Variants in SND1 observed in about 807,000 individuals in gnomAD.
The protein encoded by SND1 is staphylococcal nuclease and tudor domain containing 1.
A neutral mutation model predicts 121.7 loss-of-function variants in SND1; 38 were observed. The observed-to-expected ratio is 0.31, with a 90% confidence interval of 0.24 to 0.41. The LOEUF (loss-of-function observed/expected upper bound fraction) is 0.41. SND1 is among the 10% of genes least tolerant of loss of function. The pLI is 1.00. For missense variants in SND1, 868 were observed against 1,184.6 expected, an observed-to-expected ratio of 0.73 and a Z score of 3.92; for synonymous variants, 401 against 447.4, an observed-to-expected ratio of 0.90 and a Z score of 1.31.
chr7:127,668,648 A>G (rs1011536588), intron 1 of SND1, among the ~76,000 whole-genome samples: 4 of 152,214 alleles, frequency 2.6e-5, no homozygotes, highest in African/African-American at 9.7e-5. Context: ...TCCTTACCAC[A>G]GCTCATAGCT....
intron 15 of SND1, among the ~76,000 whole-genome samples, chr7:127,953,200 GTGTGTGTGTGTGTGTGTGTGTATGTA>G (rs1801505911): frequency 3.2e-5 from 3 of 94,582 alleles, no homozygotes; most frequent in Admixed American, 9.9e-5. Context: ...GTGTGTGTGT[GTGTGTGTGTGTGTGTGTGTGTATGTA>G]TGAAAAGAAG....
rs1282137291 is a variant in SND1, at chr7:128,085,973, C to A, written c.2304+193C>A. 6.6e-6 allele frequency among the ~76,000 whole-genome samples: 1 copy of A among 152,202 alleles called. No individual in the cohort carries two copies. The highest frequency in any genetic ancestry group is 2.4e-5 in the African/African-American group (1 of 41,454). On this transcript the variant is annotated intron_variant, in intron 20 of 23. Transcript: ENST00000354725. This position sits in a 1 kb window ranked among gnomAD's most constrained non-coding sequence, Gnocchi z 4.4. ...AACTGGGGTCTATGACCAGTGGCTG[C>A]AAGCACTGATAGGTCCCGCATCCAG...
chr7:127,879,859 A>G (rs1289725464), intron 12 of SND1, among the ~76,000 whole-genome samples: 2 of 152,152 alleles, frequency 1.3e-5, no homozygotes, highest in African/African-American at 4.8e-5. Context: ...CTGAGTTTAT[A>G]AGATTTTATC....
At chr7:127,770,452 C>T (rs1797494258) in intron 10 of SND1, among the ~76,000 whole-genome samples, 1 of 151,684 alleles carries the variant, frequency 6.6e-6, no homozygotes, top group Non-Finnish European at 1.5e-5. Flanking sequence ...CATACCTGCA[C>T]TAATTAGATC....
At chr7:127,918,095 CT>C (rs1800625505) in intron 14 of SND1, among the ~76,000 whole-genome samples, 1 of 146,518 alleles carries the variant, frequency 6.8e-6, no homozygotes, top group South Asian at 2.2e-4. Context: ...CAGAGTCTGA[CT>C]TTGTAGCCCA....
intron 10 of SND1, among the ~76,000 whole-genome samples, chr7:127,766,771 C>CAAACAAAAAAAAA (rs1797426489): frequency 3.0e-5 from 1 of 33,202 alleles, no homozygotes; most frequent in Admixed American, 6.5e-4. Context: ...GACTTTGTCT[C>CAAACAAAAAAAAA]AAAAAAAAAA....
At chr7:127,908,179 G>C (rs986766499) in intron 14 of SND1, among the ~76,000 whole-genome samples, 1 of 152,002 alleles carries the variant, frequency 6.6e-6, no homozygotes, top group Non-Finnish European at 1.5e-5. Flanking sequence ...TAGACCGGGC[G>C]TGGTGGCTCA....
Position 127,662,562 on chromosome 7 carries a change from G to A in SND1, c.78+10111G>A, listed in dbSNP as rs111808962. ...TGTAACCTTTTTTGTTTTTGGTGGT[G>A]GTTGGGGTGCTTTACTTGTACCTTA... On this transcript the variant is annotated intron_variant, in intron 1 of 23. Coordinates refer to ENST00000354725, the MANE Select transcript of SND1 (RefSeq NM_014390.4). 5.6e-3 allele frequency among the ~76,000 whole-genome samples: 852 copies of A among 152,242 alleles called. 7 individuals are homozygous for A. Among genetic ancestry groups the A allele is most frequent in the African/African-American group, 0.019 (795 of 41,532 alleles).
In SND1 at chr7:128,029,312, C is replaced by T; in HGVS notation, c.1779+38256C>T. 1 of 1,614,120 alleles carries T rather than the reference C, an allele frequency of 6.2e-7. No homozygotes were observed. On this transcript the variant is annotated intron_variant, in intron 16 of 23. Transcript: ENST00000354725. The surrounding 1 kb of genome is among the most constrained non-coding windows in gnomAD (Gnocchi z 4.2). ...TGTAGTTGGAGGTGTTAAGCTCAGC[C>T]GTGCTCACATTGAGGTAGGCCGAGG...
chr7:127,792,527 G>A (rs1294224896), intron 10 of SND1, among the ~76,000 whole-genome samples: 1 of 152,152 alleles, frequency 6.6e-6, no homozygotes, highest in Non-Finnish European at 1.5e-5. Context: ...AACCCTAAGG[G>A]TAGCATGGAG....
chr7:127,961,980 G>A (rs1374357524), intron 15 of SND1, among the ~76,000 whole-genome samples: 5 of 152,098 alleles, frequency 3.3e-5, no homozygotes, highest in African/African-American at 1.2e-4. Context: ...TCACGTGATC[G>A]GATCCTATAA....
chr7:128,021,896 A>C (rs966538449), intron 16 of SND1, among the ~76,000 whole-genome samples: 161 of 152,190 alleles, frequency 1.1e-3, no homozygotes, highest in African/African-American at 3.6e-3. Flanking sequence ...TTTTTTTATT[A>C]GTGGGGCTAT....
intron 12 of SND1, among the ~76,000 whole-genome samples, chr7:127,873,888 A>G (rs949192661): frequency 6.6e-6 from 1 of 152,082 alleles, no homozygotes; most frequent in Non-Finnish European, 1.5e-5. Context: ...AGAAACAACA[A>G]CAACTCTGAC....
At chr7:127,704,970 C>T in intron 8 of SND1, 25 bp downstream of exon 8, 1 of 1,575,032 alleles carries the variant, frequency 6.3e-7, no homozygotes, top group East Asian at 2.2e-5. Context: ...AGAGGCCTTC[C>T]AGCTGTGGAT....
At chr7:128,078,083 G>T (rs1354525883) in intron 17 of SND1, among the ~76,000 whole-genome samples, 2 of 152,226 alleles carry the variant, frequency 1.3e-5, no homozygotes, top group African/African-American at 4.8e-5. Context: ...TTGCCAGTGA[G>T]TGTGTCTCCT....
At chr7:127,856,741 A>C (rs1469853670) in intron 12 of SND1, among the ~76,000 whole-genome samples, 1 of 152,230 alleles carries the variant, frequency 6.6e-6, no homozygotes, top group Non-Finnish European at 1.5e-5. Flanking sequence ...ATCACGCATT[A>C]GGTCAGTAGC....
At chr7:127,873,571 T>A (rs1376108889) in intron 12 of SND1, among the ~76,000 whole-genome samples, 1 of 152,136 alleles carries the variant, frequency 6.6e-6, no homozygotes, top group Non-Finnish European at 1.5e-5. Context: ...TGGGCTCCGG[T>A]GTTTCCTAGT....
rs561914360 is a variant in SND1, at chr7:128,081,929, GTGCTGGGTTTGTCTC to G, written c.2110+436_2110+450del. ...TTTCCCTCTGGGGGAGCAAGGAGTGGTGCTGGGTTTGTCTCTGCTGGGGTTTCTCCTTCTCTAGAG... is the reference window on the plus strand; with the variant it reads ...TTTCCCTCTGGGGGAGCAAGGAGTGGTGCTGGGGTTTCTCCTTCTCTAGAG... On this transcript the variant is annotated intron_variant, in intron 18 of 23. Coordinates refer to ENST00000354725, the MANE Select transcript of SND1 (RefSeq NM_014390.4). 8 of 535,868 alleles carry G rather than the reference GTGCTGGGTTTGTCTC, an allele frequency of 1.5e-5. No homozygotes were observed. In the East Asian group the frequency reaches 4.3e-4, roughly 29 times the overall value. The allele number at this position is 535,868 out of a possible 1,614,324, so 33.2% of individuals were successfully genotyped here.
chr7:127,884,745 C>G (rs1249446258), intron 12 of SND1, among the ~76,000 whole-genome samples: 2 of 152,066 alleles, frequency 1.3e-5, no homozygotes, highest in African/African-American at 4.8e-5. Context: ...TCTTGCACAT[C>G]TAATCCTTCT....
Sources: gnomAD v4.1 joint callset for allele counts (sites outside exome capture counted in the v4.1 genomes callset) on GRCh38, gnomAD v4.1.1 for gene constraint, Gnocchi (gnomAD v3.1) non-coding constraint, MANE v1.5 for transcripts, NCBI Gene and HGNC (gene_info 2026-07-23, HGNC 2026-07-21) for gene names.